The following FAM227A variants were observed in gnomAD, a reference collection of about 807,000 sequenced individuals.
FAM227A encodes the protein family with sequence similarity 227 member A.
In FAM227A, 80 loss-of-function variants were observed where a neutral mutation model predicts 74.7. The ratio of observed to expected loss-of-function variants is 1.07; its 90% confidence interval spans 0.89 to 1.29. The LOEUF (loss-of-function observed/expected upper bound fraction) is 1.29, where lower values mean the gene tolerates loss of function less well. FAM227A is among the 50% of genes most tolerant of loss of function. The pLI is 0.00. For missense variants in FAM227A, 654 were observed against 683.4 expected, an observed-to-expected ratio of 0.96 and a Z score of 0.48; for synonymous variants, 237 against 241.8, an observed-to-expected ratio of 0.98 and a Z score of 0.19.
At chr22:38,635,070 C>A (rs1326540656) in intron 6 of FAM227A, among the ~76,000 whole-genome samples, 2 of 151,812 alleles carry the variant, frequency 1.3e-5, no homozygotes, top group East Asian at 3.9e-4. Flanking sequence ...CAGTGAAACC[C>A]CCGTTTCTAA....
At chr22:38,644,528 G>A (rs1281428707) in intron 3 of FAM227A, among the ~76,000 whole-genome samples, 5 of 151,948 alleles carry the variant, frequency 3.3e-5, no homozygotes, top group African/African-American at 9.7e-5. Flanking sequence ...TTGGGACAGC[G>A]AAACTATGCT....
intron 11 of FAM227A, among the ~76,000 whole-genome samples, chr22:38,614,340 A>G (rs2091531397): frequency 6.6e-6 from 1 of 152,168 alleles, no homozygotes; most frequent in African/African-American, 2.4e-5. Context: ...CAAATGACTC[A>G]GTCTCTAATA....
At chr22:38,617,729 G>C (rs1387421111) in intron 11 of FAM227A, among the ~76,000 whole-genome samples, 2 of 152,170 alleles carry the variant, frequency 1.3e-5, no homozygotes, top group Non-Finnish European at 2.9e-5. Context: ...GGCTGGGCCT[G>C]GTGGCTCACC....
chr22:38,611,298 G>A (rs146708630), intron 11 of FAM227A, among the ~76,000 whole-genome samples: 1 of 152,254 alleles, frequency 6.6e-6, no homozygotes, highest in East Asian at 1.9e-4. Flanking sequence ...GTTGGGGGTT[G>A]GGGAGCCTAA....
At position 38,645,532 on chromosome 22, in the gene FAM227A, CTT is replaced by C; in HGVS notation, c.225+29_225+30del. 4.6e-6 allele frequency: 7 copies of C among 1,505,600 alleles called. 1 individual carries two copies. The allele number at this position is 1,505,600 out of a possible 1,614,324, so 93.3% of individuals were successfully genotyped here. A position where few individuals can be genotyped will look rare whatever the true frequency, so the allele number is the denominator to read the frequency against. On this transcript the variant is annotated intron_variant, in intron 3 of 16. Transcript: ENST00000535113. ...CCCCGGGGCCCTTCCCTGTCAGAAGCTTTGTCTCAGCTCCAGCATAGGTAACT... is the reference window on the plus strand; with the variant it reads ...CCCCGGGGCCCTTCCCTGTCAGAAGCTGTCTCAGCTCCAGCATAGGTAACT...
At chr22:38,631,260 A>G (rs1404575840) in intron 6 of FAM227A, among the ~76,000 whole-genome samples, 2 of 147,698 alleles carry the variant, frequency 1.4e-5, no homozygotes, top group Admixed American at 6.8e-5. Context: ...AGCTGGAGGC[A>G]CTATCCTAAG....
rs957423994 is a variant in FAM227A, at chr22:38,628,842, T to C, written c.613A>G (p.Arg205Gly). ...AGCAGATTTGTATTTACCTGGTACC[T>C]CTCATGAAATATCCACCAAAAGCTA... is the stretch of plus-strand genomic sequence containing the variant. ...LDSFWWIFHE[R>G]YQPNKELQNN... Residue 205 changes from arginine (R) to glycine (G), a missense_variant, in exon 7 of 17, where the codon AGG (arginine) becomes GGG (glycine). By Grantham distance (125) the Arg-to-Gly change is moderately radical (BLOSUM62 -2). Coordinates refer to ENST00000535113, the MANE Select transcript of FAM227A (RefSeq NM_001013647.2). The C allele has an allele frequency of 2.0e-5, 30 of 1,519,180 alleles. No individual in the cohort carries two copies. The highest frequency in any genetic ancestry group is 2.5e-5 in the Non-Finnish European group (28 of 1,121,006). 94.1% of individuals were successfully genotyped at this position (1,519,180 alleles called of 1,614,324 possible).
At chr22:38,588,086 C>T (rs1322258121) in intron 16 of FAM227A, among the ~76,000 whole-genome samples, 1 of 152,110 alleles carries the variant, frequency 6.6e-6, no homozygotes, top group Non-Finnish European at 1.5e-5. Flanking sequence ...TTATGATAAA[C>T]CCACAGATAA....
intron 1 of FAM227A, among the ~76,000 whole-genome samples, chr22:38,654,131 G>A (rs1000629467): frequency 6.6e-6 from 1 of 151,950 alleles, no homozygotes; most frequent in Non-Finnish European, 1.5e-5. Context: ...GGCGGATGAC[G>A]AGGTCAGGAG....
chr22:38,628,760 G>T, intron 7 of FAM227A, 74 bp downstream of exon 7: 1 of 932,372 alleles, frequency 1.1e-6, no homozygotes, highest in Non-Finnish European at 1.7e-6. Context: ...TGTAGCTCAT[G>T]TCAAAGAGAA....
chr22:38,580,534 C>T lies in FAM227A; in HGVS notation c.*5591G>A, dbSNP rs919856467. ...TGTTTGTCTTTTGTGATGTAAGCAGCCATGGATAATCAACCTAGATCCATT... is the reference window on the plus strand; with the variant it reads ...TGTTTGTCTTTTGTGATGTAAGCAGTCATGGATAATCAACCTAGATCCATT... On this transcript the variant is annotated 3_prime_UTR_variant, in exon 17 of 17. Transcript: ENST00000535113. 5.9e-5 allele frequency: 9 copies of T among 152,194 alleles called. No individual in the cohort carries two copies. The South Asian group carries it at 1.2e-3, about 21-fold the overall frequency. 9.4% of individuals were successfully genotyped at this position (152,194 alleles called of 1,614,324 possible).
In FAM227A at chr22:38,645,489, C is replaced by T. The variant is rs1325488883; in HGVS notation, c.225+74G>A. 3 of 948,932 alleles carry T rather than the reference C, an allele frequency of 3.2e-6. No homozygotes were observed. In the African/African-American group the frequency reaches 4.9e-5, roughly 16 times the overall value. The allele number at this position is 948,932 out of a possible 1,614,324, so 58.8% of individuals were successfully genotyped here. A position where few individuals can be genotyped will look rare whatever the true frequency, so the allele number is the denominator to read the frequency against. Reference sequence around the variant, plus strand: ...AAATAAATGGAGAGGCCCCAGGGCACTGCAACACCTTGATGATCCCCGGGG... The same window carrying T: ...AAATAAATGGAGAGGCCCCAGGGCATTGCAACACCTTGATGATCCCCGGGG... On this transcript the variant is annotated intron_variant, in intron 3 of 16. Coordinates refer to ENST00000535113, the MANE Select transcript of FAM227A (RefSeq NM_001013647.2).
rs1015263588 is a variant in FAM227A at position 38,582,827 on chromosome 22, G to A, written c.*3298C>T. 1.9e-6 allele frequency: 3 copies of A among 1,549,802 alleles called. No homozygotes were observed. The highest frequency in any genetic ancestry group is 1.7e-6 in the Non-Finnish European group (2 of 1,146,882). On this transcript the variant is annotated 3_prime_UTR_variant, in exon 17 of 17. Transcript: ENST00000535113. ...CCATAATGGGATGGCACAGAATGCT[G>A]TTGGAGCATAATGCAGTGGAGCACT...
At chr22:38,625,193 T>C (rs1308215068) in intron 9 of FAM227A, among the ~76,000 whole-genome samples, 4 of 151,424 alleles carry the variant, frequency 2.6e-5, no homozygotes, top group Non-Finnish European at 2.9e-5. Context: ...ATCAAGACCA[T>C]CCTGGCTAAC....
At chr22:38,645,374 A>G (rs1031249123) in intron 3 of FAM227A, among the ~76,000 whole-genome samples, 189 bp downstream of exon 3, 5 of 152,196 alleles carry the variant, frequency 3.3e-5, no homozygotes, top group African/African-American at 1.2e-4. Context: ...CTAGCAACAA[A>G]GCGAGACTCC....
intron 15 of FAM227A, among the ~76,000 whole-genome samples, chr22:38,594,834 A>C (rs982604378): frequency 5.3e-5 from 8 of 151,784 alleles, no homozygotes; most frequent in African/African-American, 1.9e-4. Context: ...CATGGTGGCT[A>C]ACGCCTGTAA....
intron 11 of FAM227A, among the ~76,000 whole-genome samples, chr22:38,614,222 C>T (rs2091528793): frequency 6.6e-6 from 1 of 152,146 alleles, no homozygotes; most frequent in African/African-American, 2.4e-5. Flanking sequence ...GAGAGAATAT[C>T]CTGCCTGCTG....
At chr22:38,614,342 T>G (rs2091531472) in intron 11 of FAM227A, among the ~76,000 whole-genome samples, 1 of 152,160 alleles carries the variant, frequency 6.6e-6, no homozygotes, top group Admixed American at 6.6e-5. Context: ...AATGACTCAG[T>G]CTCTAATAGG....
chr22:38,600,685 C>T (rs1233503190), intron 13 of FAM227A, among the ~76,000 whole-genome samples: 5 of 151,912 alleles, frequency 3.3e-5, no homozygotes, highest in Non-Finnish European at 5.9e-5. Context: ...AAGCCAGGTG[C>T]GGTAGCTCAC....
Sources: allele counts gnomAD v4.1 joint callset (sites outside exome capture counted in the v4.1 genomes callset), GRCh38; gene constraint gnomAD v4.1.1; transcripts MANE v1.5; gene names NCBI Gene and HGNC (gene_info 2026-07-23, HGNC 2026-07-21).